Variants in NR3C2 observed in about 807,000 individuals in gnomAD.
NR3C2 encodes the protein mineralocorticoid receptor.
Under a neutral mutation model 86.4 loss-of-function variants are expected in NR3C2, and 15 were observed. That is an observed-to-expected ratio of 0.17 (90% CI 0.12 to 0.27). The LOEUF (loss-of-function observed/expected upper bound fraction) is 0.27, where lower values mean the gene tolerates loss of function less well. NR3C2 is among the 10% of genes least tolerant of loss of function. The pLI, the probability that NR3C2 is intolerant of heterozygous loss-of-function variation, is 1.00. For synonymous variants in NR3C2, 458 were observed against 450.5 expected (o/e 1.02, Z -0.21); for missense variants, 960 against 1,195.6 (o/e 0.80, Z 2.91).
intron 2 of NR3C2, among the ~76,000 whole-genome samples, chr4:148,353,477 A>C (rs1027984221): frequency 3.9e-5 from 6 of 152,256 alleles, no homozygotes; most frequent in East Asian, 1.9e-4. Context: ...ATTTTCTAGA[A>C]TATATAACAC....
intron 4 of NR3C2, among the ~76,000 whole-genome samples, chr4:148,182,895 G>A (rs553682394): frequency 6.6e-6 from 1 of 152,196 alleles, no homozygotes; most frequent in Admixed American, 6.5e-5. Flanking sequence ...AGGTATATAT[G>A]TGTCATGTTG....
chr4:148,121,073 G>T (rs1732485420), intron 6 of NR3C2, among the ~76,000 whole-genome samples: 1 of 152,112 alleles, frequency 6.6e-6, no homozygotes, highest in Non-Finnish European at 1.5e-5. Flanking sequence ...TAAACCTTTT[G>T]TAAGGCCCTG....
chr4:148,424,379 T>C (rs1749428887), intron 2 of NR3C2, among the ~76,000 whole-genome samples: 1 of 152,208 alleles, frequency 6.6e-6, no homozygotes, highest in African/African-American at 2.4e-5. Context: ...AACAATTTGA[T>C]AGTCTCTGAA....
intron 2 of NR3C2, among the ~76,000 whole-genome samples, chr4:148,364,117 A>C (rs1745989494): frequency 6.6e-6 from 1 of 152,242 alleles, no homozygotes; most frequent in African/African-American, 2.4e-5. Flanking sequence ...AGTATTTATG[A>C]TCTATATAAG....
At chr4:148,130,110 T>A (rs61764567) in intron 6 of NR3C2, among the ~76,000 whole-genome samples, 2 of 152,188 alleles carry the variant, frequency 1.3e-5, no homozygotes, top group Non-Finnish European at 2.9e-5. Flanking sequence ...TTGGAAAGCA[T>A]GCGGGGTAAA....
chr4:148,118,354 G>A (rs1236148551), intron 7 of NR3C2, among the ~76,000 whole-genome samples: 1 of 152,148 alleles, frequency 6.6e-6, no homozygotes, highest in Non-Finnish European at 1.5e-5. Flanking sequence ...TGGAGGCCAT[G>A]CTGTTAGTCA....
intron 2 of NR3C2, among the ~76,000 whole-genome samples, chr4:148,275,426 T>A (rs1431662835): frequency 6.6e-6 from 1 of 152,168 alleles, no homozygotes; most frequent in South Asian, 2.1e-4. Context: ...AAGCCAATCT[T>A]ATCTTATCTT....
At chr4:148,318,469 T>G (rs373631787) in intron 2 of NR3C2, among the ~76,000 whole-genome samples, 11 of 149,324 alleles carry the variant, frequency 7.4e-5, no homozygotes, top group South Asian at 4.3e-4. Flanking sequence ...CCACAATGGT[T>G]GAACTAGTTT....
intron 8 of NR3C2, among the ~76,000 whole-genome samples, chr4:148,083,273 C>T (rs977285586): frequency 2.0e-5 from 3 of 152,166 alleles, no homozygotes; most frequent in African/African-American, 7.2e-5. Context: ...CCCTGTGCCT[C>T]CTGACAAAGA....
rs1425673965 is a variant in NR3C2 at position 148,262,223 on chromosome 4, G to T, written c.1758-2106C>A. Among the ~76,000 whole-genome samples, 5 of 151,976 alleles carry T rather than the reference G, an allele frequency of 3.3e-5. No individual in the cohort carries two copies. In the East Asian group the frequency reaches 9.7e-4, roughly 30 times the overall value. On this transcript the variant is annotated intron_variant, in intron 2 of 8. Coordinates refer to ENST00000358102, the MANE Select transcript of NR3C2 (RefSeq NM_000901.5). ...ATAAGCATAAGCGGGATTTTTATTC[G>T]ACATTTCTGTGGGCCTTGATCCCAG... is the stretch of plus-strand genomic sequence containing the variant.
At chr4:148,317,923 C>A (rs1439947840) in intron 2 of NR3C2, among the ~76,000 whole-genome samples, 1 of 150,398 alleles carries the variant, frequency 6.6e-6, no homozygotes, top group Non-Finnish European at 1.5e-5. Context: ...TGTGCACATT[C>A]TGCAGGTTAG....
intron 8 of NR3C2, among the ~76,000 whole-genome samples, chr4:148,082,124 C>T (rs979016242): frequency 1.3e-5 from 2 of 152,252 alleles, no homozygotes; most frequent in African/African-American, 4.8e-5. Context: ...CTTCCTATTT[C>T]AGGCTGATTT....
chr4:148,437,340 T>C (rs1404728155), intron 1 of NR3C2, among the ~76,000 whole-genome samples: 1 of 152,202 alleles, frequency 6.6e-6, no homozygotes, highest in Non-Finnish European at 1.5e-5. Context: ...GAAGCTGCCT[T>C]CCATATTTAA....
rs1022372477 is a variant in NR3C2, at chr4:148,178,075, C to T, written c.2014+16671G>A. Among the ~76,000 whole-genome samples, 4 of 152,348 alleles carry T rather than the reference C, an allele frequency of 2.6e-5. No homozygotes were observed. In the South Asian group the frequency reaches 6.2e-4, roughly 24 times the overall value. ...CTTCAGGGCTGGGCGCAGTGGCTCA[C>T]GCCTGTAATCCTAGCACTTTGAGAG... On this transcript the variant is annotated intron_variant, in intron 4 of 8. Coordinates refer to ENST00000358102, the MANE Select transcript of NR3C2 (RefSeq NM_000901.5).
chr4:148,293,726 C>G (rs143089055), intron 2 of NR3C2, among the ~76,000 whole-genome samples: 1 of 152,106 alleles, frequency 6.6e-6, no homozygotes, highest in Non-Finnish European at 1.5e-5. Context: ...GAGCTCAGTC[C>G]TTGACACTGA....
chr4:148,157,665 A>G (rs1734464785), intron 4 of NR3C2, among the ~76,000 whole-genome samples: 1 of 152,192 alleles, frequency 6.6e-6, no homozygotes, highest in Non-Finnish European at 1.5e-5. Flanking sequence ...GAGCTTAGGT[A>G]TGTGAGAATT....
chr4:148,339,111 T>A (rs769001820), intron 2 of NR3C2, among the ~76,000 whole-genome samples: 4 of 152,178 alleles, frequency 2.6e-5, no homozygotes, highest in African/African-American at 4.8e-5. Context: ...TTCCACCAAG[T>A]TTTACAGCCT....
intron 8 of NR3C2, among the ~76,000 whole-genome samples, chr4:148,105,339 C>T (rs372004005): frequency 1.3e-5 from 2 of 152,192 alleles, no homozygotes; most frequent in African/African-American, 4.8e-5. Flanking sequence ...TATATTGAAT[C>T]CCTGAATAGA....
intron 6 of NR3C2, among the ~76,000 whole-genome samples, chr4:148,130,800 TTTTGTTTTGTTTTGTTTTG>T (rs1732990917): frequency 1.9e-5 from 1 of 53,118 alleles, no homozygotes; most frequent in Non-Finnish European, 4.3e-5. Flanking sequence ...TTTTTTTTTG[TTTTGTTTTGTTTTGTTTTG>T]TTTTTTTTTT....
Sources: allele counts gnomAD v4.1 joint callset (sites outside exome capture counted in the v4.1 genomes callset), GRCh38; gene constraint gnomAD v4.1.1; transcripts MANE v1.5; gene names NCBI Gene and HGNC (gene_info 2026-07-23, HGNC 2026-07-21).